TNPO3: variants seen among roughly 807,000 people sequenced by gnomAD.
The protein encoded by TNPO3 is transportin 3.
TNPO3 carries 65 observed loss-of-function variants against 122.8 expected under a neutral mutation model. The ratio of observed to expected loss-of-function variants is 0.53; its 90% CI spans 0.43 to 0.65. The LOEUF is 0.65. Ranked by LOEUF, TNPO3 falls within the 30% of genes least tolerant of loss-of-function variation. The pLI is 0.00. For missense variants in TNPO3, 850 were observed against 1,136.7 expected, an observed-to-expected ratio of 0.75 and a Z score of 3.63; for synonymous variants, 372 against 411.2, an observed-to-expected ratio of 0.90 and a Z score of 1.15.
intron 1 of TNPO3, among the ~76,000 whole-genome samples, chr7:129,021,950 T>A (rs554852916): frequency 3.7e-4 from 57 of 152,090 alleles, no homozygotes; most frequent in Non-Finnish European, 4.6e-4. Flanking sequence ...TGTTTTTTTT[T>A]AAACAAAAAA....
intron 11 of TNPO3, among the ~76,000 whole-genome samples, chr7:128,989,465 C>T (rs1044952542): frequency 3.3e-5 from 5 of 152,024 alleles, no homozygotes; most frequent in African/African-American, 9.7e-5. Flanking sequence ...AAAGTTGTTA[C>T]GATCTTTAGT....
chr7:128,995,371 G>T (rs1801197759), intron 8 of TNPO3, among the ~76,000 whole-genome samples: 1 of 152,112 alleles, frequency 6.6e-6, no homozygotes, highest in South Asian at 2.1e-4. Flanking sequence ...CAAGAATCTT[G>T]GGCCCAAATA....
chr7:128,966,900 T>C (rs1209314684), intron 21 of TNPO3, among the ~76,000 whole-genome samples: 2 of 152,240 alleles, frequency 1.3e-5, no homozygotes, highest in Admixed American at 6.5e-5. Context: ...CACTTTCTGA[T>C]GTTTTATAAC....
intron 1 of TNPO3, among the ~76,000 whole-genome samples, chr7:129,048,442 A>G (rs1808307287): frequency 6.6e-6 from 1 of 152,180 alleles, no homozygotes; most frequent in African/African-American, 2.4e-5. Context: ...AGGCAAGAGA[A>G]TTGCTTGAAC....
At chr7:129,005,787 T>C (rs370461177) in intron 4 of TNPO3, among the ~76,000 whole-genome samples, 18 of 149,556 alleles carry the variant, frequency 1.2e-4, no homozygotes, top group East Asian at 3.9e-4. Flanking sequence ...CTTTTCTTTT[T>C]TTTTTTTTTT....
chr7:128,976,433 T>C (rs111915131), intron 16 of TNPO3, among the ~76,000 whole-genome samples: 18 of 152,212 alleles, frequency 1.2e-4, no homozygotes, highest in African/African-American at 4.1e-4. Context: ...ACGAAGATAT[T>C]TGGATTTCAA....
chr7:129,046,272 G>C (rs1244922586), intron 1 of TNPO3, among the ~76,000 whole-genome samples: 1 of 151,758 alleles, frequency 6.6e-6, no homozygotes, highest in Non-Finnish European at 1.5e-5. Context: ...CACTAGACTG[G>C]TGGCTACTAC....
chr7:129,050,714 T>C (rs961684632), intron 1 of TNPO3, among the ~76,000 whole-genome samples: 1 of 152,214 alleles, frequency 6.6e-6, no homozygotes, highest in Admixed American at 6.5e-5. Flanking sequence ...CTTCATTCCC[T>C]GAACTGGCTT....
intron 8 of TNPO3, among the ~76,000 whole-genome samples, chr7:128,996,054 T>G (rs1458272316): frequency 6.6e-6 from 1 of 152,164 alleles, no homozygotes; most frequent in African/African-American, 2.4e-5. Flanking sequence ...ACCACCAGAC[T>G]AAATCATGAC....
intron 1 of TNPO3, among the ~76,000 whole-genome samples, chr7:129,053,246 A>G (rs779240426): frequency 3.6e-4 from 54 of 151,754 alleles, no homozygotes; most frequent in Non-Finnish European, 6.3e-4. Flanking sequence ...AATCACTTGA[A>G]CCTGGGAGGA....
intron 21 of TNPO3, among the ~76,000 whole-genome samples, chr7:128,959,227 G>A (rs1056674827): frequency 7.9e-5 from 12 of 152,236 alleles, no homozygotes; most frequent in Admixed American, 7.9e-4. Flanking sequence ...AAGTTGCTAT[G>A]TGGTGTGTTA....
In TNPO3 at chr7:128,978,882, T is replaced by C; in HGVS notation, c.2061+101A>G. Reference sequence around the variant, plus strand: ...CCTGACCTCAGGTGGTCCACCTGCATAGGCCTCCCAAAGTGCTGGGATTAC... The same window carrying C: ...CCTGACCTCAGGTGGTCCACCTGCACAGGCCTCCCAAAGTGCTGGGATTAC... On this transcript the variant is annotated intron_variant, in intron 16 of 22. Coordinates refer to ENST00000265388, the MANE Select transcript of TNPO3 (RefSeq NM_012470.4). 1.8e-5 allele frequency: 26 copies of C among 1,417,888 alleles called. 1 individual carries two copies. The highest frequency in any genetic ancestry group is 9.1e-5 in the South Asian group (7 of 76,886). The allele number at this position is 1,417,888 out of a possible 1,614,324, so 87.8% of individuals were successfully genotyped here.
chr7:129,038,522 C>T (rs935399943), intron 1 of TNPO3, among the ~76,000 whole-genome samples: 3 of 152,174 alleles, frequency 2.0e-5, no homozygotes, highest in Non-Finnish European at 2.9e-5. Flanking sequence ...CATAAAGACA[C>T]ATGCATGCAA....
chr7:129,006,521 T>C lies in TNPO3; in HGVS notation c.553-1362A>G, dbSNP rs148345394. Among the ~76,000 whole-genome samples, 641 of 152,342 alleles carry C rather than the reference T, an allele frequency of 4.2e-3. 2 individuals carry two copies. In the Middle Eastern group the frequency reaches 0.058, roughly 14 times the overall value. ...TAGTCTGTTTTTGTGATATATATTT[T>C]TTCCAAAGTAAAATGTAATGCATCT... On this transcript the variant is annotated intron_variant, in intron 4 of 22. Coordinates refer to ENST00000265388, the MANE Select transcript of TNPO3 (RefSeq NM_012470.4).
intron 1 of TNPO3, among the ~76,000 whole-genome samples, chr7:129,038,306 T>G (rs902578426): frequency 2.0e-5 from 3 of 151,960 alleles, no homozygotes; most frequent in Non-Finnish European, 2.9e-5. Context: ...GAACCCAATT[T>G]AAAAATGGAC....
chr7:128,979,319 G>A (rs546628551), intron 15 of TNPO3, among the ~76,000 whole-genome samples, 196 bp from the exon 16 acceptor site: 1 of 152,306 alleles, frequency 6.6e-6, no homozygotes, highest in Non-Finnish European at 1.5e-5. Context: ...AGAGAAAACA[G>A]TGCCTCTTTA....
Position 128,974,974 on chromosome 7 carries a change from C to G in TNPO3, c.2179-12G>C. The G allele has an allele frequency of 1.2e-6, 2 of 1,609,614 alleles. No individual in the cohort carries two copies. Among genetic ancestry groups the G allele is most frequent in the Non-Finnish European group, 1.7e-6 (2 of 1,176,090 alleles). The stretch of plus-strand genomic sequence containing the variant: ...GGGATGCACAGTGCCTAAAACAAAA[C>G]AGTGATTTTAAAAGAAATGCTTTTT... On this transcript the variant is annotated splice_polypyrimidine_tract_variant and intron_variant, in intron 17 of 22. Transcript: ENST00000265388.
intron 16 of TNPO3, among the ~76,000 whole-genome samples, chr7:128,977,603 T>C (rs1310203787): frequency 6.7e-6 from 1 of 148,808 alleles, no homozygotes; most frequent in Non-Finnish European, 1.5e-5. Flanking sequence ...TTTTTTCTTT[T>C]TTTTTTTTTT....
Position 128,997,509 on chromosome 7 carries a change from C to T in TNPO3, c.1038G>A (p.Trp346Ter). The T allele has an allele frequency of 1.2e-6, 2 of 1,613,528 alleles. No individual in the cohort carries two copies. The highest frequency in any genetic ancestry group is 1.7e-6 in the Non-Finnish European group (2 of 1,179,720). ...YEVVEISFNFWYRLGEHLYKT... is the reference protein window; with the variant it reads ...YEVVEISFNF The stretch of plus-strand genomic sequence containing the variant: ...TGTACAAATGTTCCCCCAGTCGGTA[C>T]CAAAAGTTAAATGAAATTTCTACTA... Residue 346 changes from tryptophan (W) to a stop codon, truncating the protein, a stop_gained, in exon 8 of 23, where the codon TGG becomes TGA. Coordinates refer to ENST00000265388, the MANE Select transcript of TNPO3 (RefSeq NM_012470.4). LOFTEE classifies it high-confidence loss of function.
Sources: allele counts gnomAD v4.1 joint callset (sites outside exome capture counted in the v4.1 genomes callset), GRCh38; gene constraint gnomAD v4.1.1; transcripts MANE v1.5; gene names NCBI Gene and HGNC (gene_info 2026-07-23, HGNC 2026-07-21).